Variants in EXOC3L4 observed in about 807,000 individuals in gnomAD.
The protein encoded by EXOC3L4 is exocyst complex component 3 like 4, also known as exocyst complex component 3-like protein 4.
EXOC3L4 carries 62 observed loss-of-function variants against 69.7 expected under a neutral mutation model. The observed-to-expected ratio is 0.89, with a 90% CI of 0.72 to 1.10. The LOEUF is 1.10. Among genes scored for constraint, EXOC3L4 ranks in the 50% least tolerant of loss-of-function variants. The probability of loss-of-function intolerance (pLI) is 0.00; values close to 1 mark genes in which losing one functional copy is unlikely to be tolerated. For synonymous variants in EXOC3L4, 502 were observed against 464.2 expected, an observed-to-expected ratio of 1.08 and a Z score of -1.05; for missense variants, 1,087 against 1,034.8, an observed-to-expected ratio of 1.05 and a Z score of -0.69.
At position 103,102,311 on chromosome 14, in the gene EXOC3L4, C is replaced by G. The variant is rs368151521; in HGVS notation, c.588C>G (p.Ile196Met). Residue 196 changes from isoleucine to methionine, a missense_variant, in exon 3 of 12, where the codon ATC (isoleucine) becomes ATG (methionine). Physicochemically the swap from Ile to Met is conservative, Grantham distance 10 (BLOSUM62 1). Transcript: ENST00000688303. Reference sequence around the variant, plus strand: ...GGCTGGCAGCCGAGATCGGCGCCATCGTGCGCGAGACGCTGGACAGCGACG... The same window carrying G: ...GGCTGGCAGCCGAGATCGGCGCCATGGTGCGCGAGACGCTGGACAGCGACG... ...YDGLAAEIGA[I>M]VRETLDSDGV... 21 of 1,568,266 alleles carry G rather than the reference C, an allele frequency of 1.3e-5. No homozygotes were observed. The African/African-American group carries it at 2.8e-4, about 21-fold the overall frequency.
At chr14:103,101,825 A>C (rs961249082) in intron 2 of EXOC3L4, among the ~76,000 whole-genome samples, 2 of 152,234 alleles carry the variant, frequency 1.3e-5, no homozygotes, top group Non-Finnish European at 2.9e-5. Flanking sequence ...GGTCCGGCTC[A>C]GCCGGGAGTG....
rs759189510 is a variant in EXOC3L4, at chr14:103,103,791, C to CGT, written c.1050-149_1050-148insTG. 6.3e-4 allele frequency: 288 copies of CGT among 459,188 alleles called. No homozygotes were observed. In the East Asian group the frequency reaches 7.5e-3, roughly 12 times the overall value. 28.4% of individuals were successfully genotyped at this position (459,188 alleles called of 1,614,324 possible). ...GGTGTGGCATGGCAGCCTAGAGGCGCGCGCGCGTGTGTGTGTGTGTGTGTG... is the reference window on the plus strand; with the variant it reads ...GGTGTGGCATGGCAGCCTAGAGGCGCGTGCGCGCGTGTGTGTGTGTGTGTGTG... On this transcript the variant is annotated intron_variant, in intron 3 of 11. Transcript: ENST00000688303.
intron 8 of EXOC3L4, 27 bp from the exon 9 acceptor site, chr14:103,107,397 G>A: frequency 6.2e-7 from 1 of 1,604,928 alleles, no homozygotes; most frequent in East Asian, 2.2e-5. Flanking sequence ...GTGCACATTT[G>A]CAGACTCCCA....
chr14:103,101,108 A>G (rs1317359932), intron 2 of EXOC3L4, among the ~76,000 whole-genome samples: 1 of 151,646 alleles, frequency 6.6e-6, no homozygotes, highest in African/African-American at 2.4e-5. Flanking sequence ...GGGTTTCACC[A>G]TATTGGCCAG....
chr14:103,100,723 C>A, intron 2 of EXOC3L4, 110 bp downstream of exon 2: 1 of 1,325,060 alleles, frequency 7.5e-7, no homozygotes, highest in Non-Finnish European at 1.0e-6. Context: ...CAAACCCTGC[C>A]CCCGAACATG....
Position 103,106,846 on chromosome 14 carries a change from G to A in EXOC3L4, c.1528G>A (p.Ala510Thr). 6.3e-7 allele frequency: 1 copy of A among 1,593,972 alleles called. No homozygotes were observed. Among genetic ancestry groups the A allele is most frequent in the South Asian group, 1.1e-5 (1 of 87,852 alleles). The change falls in exon 8 of 12, where the codon GCC (alanine) becomes ACC (threonine). Residue 510 changes from alanine (A) to threonine (T), a missense_variant. Physicochemically the swap from Ala to Thr is moderately conservative, Grantham distance 58. Transcript: ENST00000688303. ...GGAGCTGGAGAAGCCCCTGGTGACG[G>A]CCACCTGCAGCTTCCAGAAGCACTT... ...QEELEKPLVT[A>T]TCSFQKHLLQ...
chr14:103,109,963 G>A (rs150114872), intron 11 of EXOC3L4, 68 bp from the exon 12 acceptor site: 76 of 1,477,716 alleles, frequency 5.1e-5, no homozygotes, highest in Middle Eastern at 1.8e-4. Context: ...CCGTGGGTTC[G>A]CCTCATGCTG....
At chr14:103,101,669 GA>G (rs751612548) in intron 2 of EXOC3L4, among the ~76,000 whole-genome samples, 2 of 152,242 alleles carry the variant, frequency 1.3e-5, no homozygotes, top group South Asian at 2.1e-4. Flanking sequence ...GGAAGAGGGG[GA>G]CATGGAGGTG....
At position 103,105,052 on chromosome 14, in the gene EXOC3L4, C is replaced by A. The variant is rs780785493; in HGVS notation, c.1446C>A (p.Ile482=). Reference sequence around the variant, plus strand: ...GCGAGCCGCACCTGGGCGCCTACATCAACGCCTGCGAGGAGCTCAGGTAGG... The same window carrying A: ...GCGAGCCGCACCTGGGCGCCTACATAAACGCCTGCGAGGAGCTCAGGTAGG... The part of the protein sequence containing the change: ...AVSEPHLGAY[I]NACEELRTSL... Residue 482 remains isoleucine, a synonymous_variant, in exon 7 of 12, where the codon ATC becomes ATA. Coordinates refer to ENST00000688303, the MANE Select transcript of EXOC3L4 (RefSeq NM_001077594.2). 1 of 1,611,946 alleles carries A rather than the reference C, an allele frequency of 6.2e-7. No homozygotes were observed. Among genetic ancestry groups the A allele is most frequent in the Non-Finnish European group, 8.5e-7 (1 of 1,178,394 alleles).
intron 1 of EXOC3L4, among the ~76,000 whole-genome samples, chr14:103,096,296 GT>G (rs1356257624): frequency 1.3e-5 from 2 of 152,084 alleles, no homozygotes; most frequent in Non-Finnish European, 2.9e-5. Flanking sequence ...TGAGGCTGTG[GT>G]GAGCTATGAT....
chr14:103,104,216 C>T, intron 4 of EXOC3L4, 51 bp from the exon 5 acceptor site: 2 of 1,498,892 alleles, frequency 1.3e-6, no homozygotes, highest in Middle Eastern at 2.5e-4. Flanking sequence ...CCGGACGGCG[C>T]GGGACGGGGT....
At chr14:103,096,880 A>C (rs61548334) in intron 1 of EXOC3L4, among the ~76,000 whole-genome samples, 2,669 of 152,302 alleles carry the variant, frequency 0.018, 72 homozygotes, top group African/African-American at 0.058. Flanking sequence ...GGCTGTGATC[A>C]GGTGAAGGTG....
At position 103,102,509 on chromosome 14, in the gene EXOC3L4, G is replaced by C. The variant is rs1225282894; in HGVS notation, c.786G>C (p.Ala262=). 4 of 1,382,852 alleles carry C rather than the reference G, an allele frequency of 2.9e-6. No individual in the cohort carries two copies. The highest frequency in any genetic ancestry group is 1.5e-5 in the African/African-American group (1 of 65,700). 85.7% of individuals were successfully genotyped at this position (1,382,852 alleles called of 1,614,324 possible). A position where few individuals can be genotyped will look rare whatever the true frequency, so the allele number is the denominator to read the frequency against. The change falls in exon 3 of 12, where the codon GCG becomes GCC. Residue 262 remains alanine, a synonymous_variant. Coordinates refer to ENST00000688303, the MANE Select transcript of EXOC3L4 (RefSeq NM_001077594.2). ...AGGAGCGCGTGCGGCGGCCGGGCGC[G>C]GGGTGGGCCTTCGGGGAGGCGGAGG... ...SAQERVRRPG[A]GWAFGEAEGA...
Position 103,104,773 on chromosome 14 carries a change from C to T in EXOC3L4, c.1320C>T (p.Ile440=), listed in dbSNP as rs1233132423. 6.6e-7 allele frequency: 1 copy of T among 1,524,492 alleles called. No individual in the cohort carries two copies. Among genetic ancestry groups the T allele is most frequent in the Non-Finnish European group, 8.8e-7 (1 of 1,133,722 alleles). The allele number at this position is 1,524,492 out of a possible 1,614,324, so 94.4% of individuals were successfully genotyped here. The change falls in exon 6 of 12, where the codon ATC becomes ATT. Residue 440 remains isoleucine (I), a synonymous_variant. Coordinates refer to ENST00000688303, the MANE Select transcript of EXOC3L4 (RefSeq NM_001077594.2). ...AGCACGTGAAGGCGGCCGGCGCCATCTCCGCGGAGCTGGAGGCCACCACCC... is the reference window on the plus strand; with the variant it reads ...AGCACGTGAAGGCGGCCGGCGCCATTTCCGCGGAGCTGGAGGCCACCACCC... ...VAEHVKAAGA[I]SAELEATTLR... is the part of the protein sequence containing the mutation.
At position 103,110,394 on chromosome 14, in the gene EXOC3L4, T is replaced by C; in HGVS notation, c.*171T>C. 1.2e-6 allele frequency: 1 copy of C among 800,228 alleles called. No homozygotes were observed. Among genetic ancestry groups the C allele is most frequent in the Non-Finnish European group, 2.1e-6 (1 of 477,846 alleles). The allele number at this position is 800,228 out of a possible 1,614,324, so 49.6% of individuals were successfully genotyped here. A position where few individuals can be genotyped will look rare whatever the true frequency, so the allele number is the denominator to read the frequency against. Reference sequence around the variant, plus strand: ...GCTGTCAGGCCAGAAGGAGCAGCCGTGCAGGAGGCATTTCAGGCATCGTTG... The same window carrying C: ...GCTGTCAGGCCAGAAGGAGCAGCCGCGCAGGAGGCATTTCAGGCATCGTTG... On this transcript the variant is annotated 3_prime_UTR_variant, in exon 12 of 12. Transcript: ENST00000688303.
rs756101149 is a variant in EXOC3L4, at chr14:103,100,540, C to T, written c.321C>T (p.Pro107=). Residue 107 remains proline (P), a synonymous_variant, in exon 2 of 12, where the codon CCC becomes CCT. Transcript: ENST00000688303. ...ATTCCCAGGCCACTCCTGAGGTGCC[C>T]TCGGGGGTCATGAATGGTGTCAGCC... ...TGHSQATPEV[P]SGVMNGVSQQ... 2.5e-6 allele frequency: 4 copies of T among 1,612,706 alleles called. No homozygotes were observed. Among genetic ancestry groups the T allele is most frequent in the South Asian group, 1.1e-5 (1 of 90,850 alleles).
Position 103,104,973 on chromosome 14 carries a change from T to C in EXOC3L4, c.1386-19T>C, listed in dbSNP as rs1233487275. On this transcript the variant is annotated intron_variant, in intron 6 of 11. Coordinates refer to ENST00000688303, the MANE Select transcript of EXOC3L4 (RefSeq NM_001077594.2). ...GCAGCTAGGGAGGGTCCCCAAAGGC[T>C]CTGTGTATCCCGCCCCAGGTTTGAA... is the stretch of plus-strand genomic sequence containing the variant. 2 of 1,607,898 alleles carry C rather than the reference T, an allele frequency of 1.2e-6. No homozygotes were observed. Among genetic ancestry groups the C allele is most frequent in the East Asian group, 2.2e-5 (1 of 44,712 alleles).
chr14:103,096,473 G>A (rs1889892865), intron 1 of EXOC3L4, among the ~76,000 whole-genome samples: 1 of 150,712 alleles, frequency 6.6e-6, no homozygotes, highest in Non-Finnish European at 1.5e-5. Context: ...GGGACCCAAA[G>A]AGGGTAGCTG....
upstream of EXOC3L4, among the ~76,000 whole-genome samples, chr14:103,094,405 C>T (rs1889806895): frequency 6.6e-6 from 1 of 152,152 alleles, no homozygotes; most frequent in Admixed American, 6.5e-5. Context: ...TGAGTGTCCC[C>T]CGAGGCCAGC....
Sources: allele counts gnomAD v4.1 joint callset (sites outside exome capture counted in the v4.1 genomes callset), GRCh38; gene constraint gnomAD v4.1.1; transcripts MANE v1.5; gene names NCBI Gene and HGNC (gene_info 2026-07-23, HGNC 2026-07-21).